RALGAPB: variants seen among roughly 807,000 people sequenced by gnomAD.
RALGAPB encodes Ral GTPase activating protein non-catalytic subunit beta, also known as ral GTPase-activating protein subunit beta.
RALGAPB carries 25 observed loss-of-function variants against 161.1 expected under a neutral mutation model. That is an observed-to-expected ratio of 0.16 (90% CI 0.11 to 0.22). The LOEUF (loss-of-function observed/expected upper bound fraction) is 0.22. Ranked by LOEUF, RALGAPB falls within the 10% of genes least tolerant of loss-of-function variation. The probability of loss-of-function intolerance (pLI) is 1.00; values close to 1 mark genes in which losing one functional copy is unlikely to be tolerated. For missense variants in RALGAPB, 1,391 were observed against 1,815.2 expected (o/e 0.77, Z 4.25); for synonymous variants, 629 against 626.1 (o/e 1.00, Z -0.07).
chr20:38,485,966 C>CTTTTTTTT (rs11481893), intron 1 of RALGAPB, among the ~76,000 whole-genome samples: 15 of 90,690 alleles, frequency 1.7e-4, no homozygotes, highest in East Asian at 3.5e-4. Flanking sequence ...CTTTCTATAT[C>CTTTTTTTT]TTTTTTTTTT....
intron 1 of RALGAPB, among the ~76,000 whole-genome samples, chr20:38,487,560 G>C (rs2085153679): frequency 6.6e-6 from 1 of 152,110 alleles, no homozygotes; most frequent in South Asian, 2.1e-4. Flanking sequence ...GTGCGAAAAG[G>C]ATGTATTTTT....
chr20:38,550,952 A>G, intron 20 of RALGAPB, 119 bp from the exon 21 acceptor site: 1 of 1,180,172 alleles, frequency 8.5e-7, no homozygotes, highest in Non-Finnish European at 1.2e-6. Context: ...GTTCTGAGTG[A>G]GTTTTTGTGA....
intron 20 of RALGAPB, among the ~76,000 whole-genome samples, 175 bp from the exon 21 acceptor site, chr20:38,550,895 CA>C (rs1555883129): frequency 6.6e-6 from 1 of 152,156 alleles, no homozygotes; most frequent in Non-Finnish European, 1.5e-5. Flanking sequence ...ATAGAGTACA[CA>C]GGGGCACAGG....
rs201658413 is a variant in RALGAPB at position 38,516,288 on chromosome 20, T to C, written c.969T>C (p.Asn323=). 2.7e-5 allele frequency: 43 copies of C among 1,614,050 alleles called. No individual in the cohort carries two copies. The East Asian group carries it at 9.1e-4, about 34-fold the overall frequency. ...LNVSGMPQEL[N]QYPCLKHLPQ... ...TGAGCGGAATGCCGCAAGAATTGAATCAGTATCCCTGCCTTAAACATCTGC... is the reference window on the plus strand; with the variant it reads ...TGAGCGGAATGCCGCAAGAATTGAACCAGTATCCCTGCCTTAAACATCTGC... Residue 323 remains asparagine, a synonymous_variant, in exon 7 of 30, where the codon AAT becomes AAC. Coordinates refer to ENST00000262879, the MANE Select transcript of RALGAPB (RefSeq NM_020336.4).
intron 1 of RALGAPB, among the ~76,000 whole-genome samples, chr20:38,482,709 G>C (rs1020873327): frequency 2.0e-5 from 3 of 152,154 alleles, no homozygotes; most frequent in African/African-American, 7.2e-5. Flanking sequence ...GATTACAGGC[G>C]TGAGCCACCG....
intron 16 of RALGAPB, among the ~76,000 whole-genome samples, chr20:38,539,138 A>G (rs996800903): frequency 1.3e-5 from 2 of 152,216 alleles, no homozygotes; most frequent in Non-Finnish European, 1.5e-5. Context: ...CAGACCAAAA[A>G]AAGTACATAT....
At chr20:38,535,776 G>T (rs1403802866) in intron 16 of RALGAPB, among the ~76,000 whole-genome samples, 1 of 152,058 alleles carries the variant, frequency 6.6e-6, no homozygotes, top group African/African-American at 2.4e-5. Flanking sequence ...GTAGAGATGG[G>T]GTTTCACCAT....
At chr20:38,528,594 T>C (rs2086545808) in intron 13 of RALGAPB, among the ~76,000 whole-genome samples, 1 of 152,108 alleles carries the variant, frequency 6.6e-6, no homozygotes, top group South Asian at 2.1e-4. Context: ...GTCTCGGACT[T>C]CTGGGCTTCT....
At chr20:38,565,740 A>C (rs557578508) in intron 25 of RALGAPB, among the ~76,000 whole-genome samples, 19 of 152,344 alleles carry the variant, frequency 1.2e-4, no homozygotes, top group African/African-American at 4.6e-4. Flanking sequence ...TCTTTAATCT[A>C]ATTAATCAAT....
Position 38,575,758 on chromosome 20 carries a change from G to A in RALGAPB, c.*791G>A, listed in dbSNP as rs1470085643. 6.6e-6 allele frequency: 1 copy of A among 152,212 alleles called. No homozygotes were observed. The highest frequency in any genetic ancestry group is 1.5e-5 in the Non-Finnish European group (1 of 68,032). 9.4% of individuals were successfully genotyped at this position (152,212 alleles called of 1,614,324 possible). On this transcript the variant is annotated 3_prime_UTR_variant, in exon 30 of 30. Coordinates refer to ENST00000262879, the MANE Select transcript of RALGAPB (RefSeq NM_020336.4). ...TCTCTCCATTATTGTCCAGCGGGGT[G>A]ACATAATGACAGGTTAAATATTTGT... is the stretch of plus-strand genomic sequence containing the variant.
intron 3 of RALGAPB, among the ~76,000 whole-genome samples, chr20:38,496,604 T>C (rs1301252945): frequency 1.3e-5 from 2 of 152,212 alleles, no homozygotes; most frequent in African/African-American, 4.8e-5. Flanking sequence ...TCTATCTTCA[T>C]CTTCAGTCCT....
intron 2 of RALGAPB, among the ~76,000 whole-genome samples, chr20:38,488,980 GT>G (rs896393581): frequency 7.9e-5 from 12 of 152,182 alleles, no homozygotes; most frequent in African/African-American, 2.9e-4. Context: ...TTTAGAGTGT[GT>G]TTGGAAGGCC....
chr20:38,544,429 A>G (rs2087086085), intron 18 of RALGAPB, among the ~76,000 whole-genome samples: 1 of 151,884 alleles, frequency 6.6e-6, no homozygotes, highest in Non-Finnish European at 1.5e-5. Flanking sequence ...TTTGACTATG[A>G]GCCTCTTACA....
intron 17 of RALGAPB, 36 bp from the exon 18 acceptor site, chr20:38,541,005 G>A (rs770100552): frequency 6.2e-7 from 1 of 1,604,486 alleles, no homozygotes; most frequent in Non-Finnish European, 8.5e-7. Flanking sequence ...TGAGAAAGGT[G>A]TGTTCTAAAA....
chr20:38,481,306 T>G (rs929637823), intron 1 of RALGAPB, among the ~76,000 whole-genome samples: 1 of 152,204 alleles, frequency 6.6e-6, no homozygotes, highest in African/African-American at 2.4e-5. Context: ...TAGGTATTAG[T>G]CTGTTTTCAT....
At chr20:38,500,959 A>T (rs1472906033) in intron 5 of RALGAPB, among the ~76,000 whole-genome samples, 1 of 152,204 alleles carries the variant, frequency 6.6e-6, no homozygotes, top group African/African-American at 2.4e-5. Context: ...GAAGCTGTAG[A>T]AGAAAGCTTA....
Position 38,562,677 on chromosome 20 carries a change from A to T in RALGAPB, c.3677A>T (p.Asp1226Val). ...AGTTGGTCTATTAATTGTTGTGATG[A>T]TGGTGAAGGATCTCAACAAGGTAAA... ...STSWSINCCD[D>V]GEGSQQEVIS... Residue 1226 changes from aspartate (D) to valine (V), a missense_variant, in exon 24 of 30, where the codon GAT becomes GTT. This residue lies in a region of RALGAPB where 436 missense variants were observed against 527.0 expected (regional missense o/e 0.83). Coordinates refer to ENST00000262879, the MANE Select transcript of RALGAPB (RefSeq NM_020336.4). 2 of 1,610,362 alleles carry T rather than the reference A, an allele frequency of 1.2e-6. No individual in the cohort carries two copies. Among genetic ancestry groups the T allele is most frequent in the Non-Finnish European group, 1.7e-6 (2 of 1,178,928 alleles).
rs1211053957 is a variant in RALGAPB at position 38,569,985 on chromosome 20, A to G, written c.4052A>G (p.Tyr1351Cys). 2.5e-6 allele frequency: 4 copies of G among 1,610,612 alleles called. No homozygotes were observed. Among genetic ancestry groups the G allele is most frequent in the African/African-American group, 2.7e-5 (2 of 74,826 alleles). ...GTTTCTGTAGTCTGGGTGGAACGCTATGATGATATAGGTACTGTATGAGGA... is the reference window on the plus strand; with the variant it reads ...GTTTCTGTAGTCTGGGTGGAACGCTGTGATGATATAGGTACTGTATGAGGA... ...TRVSVVWVER[Y>C]DDIENFPLSE... Residue 1351 changes from tyrosine (Y) to cysteine (C), a missense_variant, in exon 27 of 30, where the codon TAT becomes TGT. Tyr to Cys is a radical substitution (Grantham distance 194). This residue lies in a region of RALGAPB where 436 missense variants were observed against 527.0 expected (regional missense o/e 0.83). Coordinates refer to ENST00000262879, the MANE Select transcript of RALGAPB (RefSeq NM_020336.4).
intron 26 of RALGAPB, chr20:38,569,342 A>G: frequency 6.5e-6 from 1 of 154,116 alleles, no homozygotes; most frequent in Non-Finnish European, 1.4e-5. Context: ...TTAAGAGTTG[A>G]TTAGGGTGGC....
Sources: allele counts gnomAD v4.1 joint callset (sites outside exome capture counted in the v4.1 genomes callset), GRCh38; gene constraint gnomAD v4.1.1; regional missense constraint gnomAD v4.1.1; transcripts MANE v1.5; gene names NCBI Gene and HGNC (gene_info 2026-07-23, HGNC 2026-07-21).